The following ASH1L variants were observed in gnomAD, a reference collection of about 807,000 sequenced individuals.
ASH1L encodes histone-lysine N-methyltransferase ASH1L.
ASH1L carries 23 observed loss-of-function variants against 269.0 expected under a neutral mutation model. That is an observed-to-expected ratio of 0.09 (90% CI 0.06 to 0.12). The LOEUF is 0.12. Ranked by LOEUF, ASH1L falls within the 10% of genes least tolerant of loss-of-function variation. The probability of loss-of-function intolerance (pLI) is 1.00; values close to 1 mark genes in which losing one functional copy is unlikely to be tolerated. For synonymous variants in ASH1L, 1,187 were observed against 1,253.5 expected (o/e 0.95, Z 1.12); for missense variants, 2,912 against 3,567.8 (o/e 0.82, Z 4.68).
At chr1:155,434,029 G>A (rs1661861410) in intron 5 of ASH1L, 6 of 1,591,098 alleles carry the variant, frequency 3.8e-6, no homozygotes, top group Non-Finnish European at 4.3e-6. Context: ...ACCGGTGCCA[G>A]AAAGGCAAGC....
At position 155,481,262 on chromosome 1, in the gene ASH1L, A is replaced by G. The variant is rs759421745; in HGVS notation, c.1608T>C (p.Gly536=). The change falls in exon 3 of 28, where the codon GGT becomes GGC. Residue 536 remains glycine, a synonymous_variant. Transcript: ENST00000392403. The part of the protein sequence containing the change: ...YCTSPDFKMG[G]ASDVSTAKSP... ...ATTTAGCGGTAGATACATCAGAAGC[A>G]CCTCCCATTTTAAAGTCCGGAGAAG... 1 of 1,613,906 alleles carries G rather than the reference A, an allele frequency of 6.2e-7. No individual in the cohort carries two copies.
At chr1:155,360,875 G>A (rs1654881143) in intron 12 of ASH1L, among the ~76,000 whole-genome samples, 1 of 152,094 alleles carries the variant, frequency 6.6e-6, no homozygotes, top group Admixed American at 6.6e-5. Flanking sequence ...GGTATTCAAA[G>A]TCCTAAAATA....
At chr1:155,428,436 C>T (rs1661337951) in intron 5 of ASH1L, among the ~76,000 whole-genome samples, 1 of 104,710 alleles carries the variant, frequency 9.6e-6, no homozygotes, top group Admixed American at 1.1e-4. Context: ...CAATGAAATT[C>T]CGTCTCAAAA....
intron 12 of ASH1L, among the ~76,000 whole-genome samples, chr1:155,360,847 C>T (rs768930144): frequency 2.4e-4 from 37 of 152,180 alleles, no homozygotes; most frequent in Middle Eastern, 3.2e-3. Context: ...GTCAATTAGG[C>T]TTCAACTTTT....
At chr1:155,483,055 T>C (rs1000269861) in intron 2 of ASH1L, among the ~76,000 whole-genome samples, 4 of 152,180 alleles carry the variant, frequency 2.6e-5, no homozygotes, top group African/African-American at 9.6e-5. Flanking sequence ...TATAAAATCT[T>C]AGAATGGGAA....
intron 2 of ASH1L, among the ~76,000 whole-genome samples, chr1:155,517,259 A>C (rs1032852745): frequency 6.6e-6 from 1 of 152,184 alleles, no homozygotes; most frequent in Admixed American, 6.5e-5. Flanking sequence ...CCAAGGCAGG[A>C]GGATCACTTG....
At chr1:155,344,061 A>T (rs1653026723) in intron 22 of ASH1L, 122 bp downstream of exon 22, 2 of 829,070 alleles carry the variant, frequency 2.4e-6, no homozygotes, top group Admixed American at 2.7e-5. Flanking sequence ...CAGATATAAA[A>T]ACTTATATTC....
chr1:155,562,746 C>T lies in ASH1L; in HGVS notation c.-693G>A. The T allele has an allele frequency of 8.1e-7, 1 of 1,233,662 alleles. No individual in the cohort carries two copies. The highest frequency in any genetic ancestry group is 1.1e-6 in the Non-Finnish European group (1 of 880,006). The allele number at this position is 1,233,662 out of a possible 1,614,324, so 76.4% of individuals were successfully genotyped here. A position where few individuals can be genotyped will look rare whatever the true frequency, so the allele number is the denominator to read the frequency against. On this transcript the variant is annotated 5_prime_UTR_variant, in exon 1 of 28. Coordinates refer to ENST00000392403, the MANE Select transcript of ASH1L (RefSeq NM_018489.3). ...TCCCTCACTACCCCTCAGGCCCTGT[C>T]AAGCCGGCGCCGGCGCAGGCCCTCA... is the stretch of plus-strand genomic sequence containing the variant.
chr1:155,337,597 C>G lies in ASH1L; in HGVS notation c.*63G>C, dbSNP rs749244880. Reference sequence around the variant, plus strand: ...CCCACCCCTGTCTATACCCAGAGAGCAGGAGGCAGGACTGATTAGCTCCAC... The same window carrying G: ...CCCACCCCTGTCTATACCCAGAGAGGAGGAGGCAGGACTGATTAGCTCCAC... On this transcript the variant is annotated 3_prime_UTR_variant, in exon 28 of 28. Transcript: ENST00000392403. 7.3e-7 allele frequency: 1 copy of G among 1,378,936 alleles called. No homozygotes were observed. Among genetic ancestry groups the G allele is most frequent in the Admixed American group, 1.7e-5 (1 of 59,368 alleles). 85.4% of individuals were successfully genotyped at this position (1,378,936 alleles called of 1,614,324 possible).
Position 155,481,497 on chromosome 1 carries a change from T to C in ASH1L, c.1373A>G (p.Asp458Gly), listed in dbSNP as rs775489754. Residue 458 changes from aspartate (D) to glycine (G), a missense_variant, in exon 3 of 28, where the codon GAT becomes GGT. Coordinates refer to ENST00000392403, the MANE Select transcript of ASH1L (RefSeq NM_018489.3). ...ESQELSESLK[D>G]SATSKTFEKN... ...TTCAAAAGTTTTGCTGGTGGCACTA[T>C]CTTTCAGGGATTCAGAAAGTTCCTG... 4 of 1,614,188 alleles carry C rather than the reference T, an allele frequency of 2.5e-6. No homozygotes were observed. The South Asian group carries it at 3.3e-5, about 13-fold the overall frequency.
rs142537672 is a variant in ASH1L, at chr1:155,388,715, C to CTTT, written c.6103+6741_6103+6743dup. Among the ~76,000 whole-genome samples the CTTT allele has an allele frequency of 1.9e-3, 248 of 131,670 alleles. 3 individuals carry two copies. Among genetic ancestry groups the CTTT allele is most frequent in the African/African-American group, 7.0e-3 (232 of 33,344 alleles). 86.4% of individuals were successfully genotyped at this position (131,670 alleles called of 152,430 possible). A position where few individuals can be genotyped will look rare whatever the true frequency, so the allele number is the denominator to read the frequency against. On this transcript the variant is annotated intron_variant, in intron 7 of 27. Transcript: ENST00000392403. Reference sequence around the variant, plus strand: ...GGTCTATGTGTCCTGAATTGCGATTCTTTTTTTTTTTTTTTTTCATAGAAA... The same window carrying CTTT: ...GGTCTATGTGTCCTGAATTGCGATTCTTTTTTTTTTTTTTTTTTTTCATAGAAA...
intron 15 of ASH1L, among the ~76,000 whole-genome samples, 197 bp downstream of exon 15, chr1:155,357,119 A>AC (rs1558027201): frequency 1.8e-5 from 2 of 109,334 alleles, no homozygotes; most frequent in Admixed American, 1.1e-4. Flanking sequence ...ACACACACAC[A>AC]AAAGGGTAAG....
chr1:155,344,601 G>A (rs1454999319), intron 21 of ASH1L: 2 of 192,284 alleles, frequency 1.0e-5, no homozygotes, highest in Non-Finnish European at 2.1e-5. Context: ...AATGCCCAGG[G>A]TCCAAGGAAG....
At chr1:155,493,214 G>A (rs959067928) in intron 2 of ASH1L, among the ~76,000 whole-genome samples, 11 of 151,886 alleles carry the variant, frequency 7.2e-5, no homozygotes, top group East Asian at 3.9e-4. Context: ...CCTTTTCATC[G>A]GACTGTTTTT....
intron 1 of ASH1L, among the ~76,000 whole-genome samples, chr1:155,541,478 T>C (rs1033779205): frequency 1.3e-5 from 2 of 152,098 alleles, no homozygotes; most frequent in South Asian, 2.1e-4. Context: ...ACTAATATTA[T>C]ATAAGTCACT....
intron 4 of ASH1L, among the ~76,000 whole-genome samples, chr1:155,444,669 A>G (rs1240335966): frequency 6.6e-6 from 1 of 151,846 alleles, no homozygotes; most frequent in African/African-American, 2.4e-5. Context: ...AGGCCGGAGT[A>G]CAGTGGTGCA....
chr1:155,484,538 ATATAAG>A (rs1666165039), intron 2 of ASH1L, among the ~76,000 whole-genome samples: 1 of 152,176 alleles, frequency 6.6e-6, no homozygotes, highest in Non-Finnish European at 1.5e-5. Flanking sequence ...AAAATTAGTT[ATATAAG>A]TATATGAAAA....
rs1057073115 is a variant in ASH1L, at chr1:155,481,222, C to T, written c.1648G>A (p.Val550Ile). 6.2e-7 allele frequency: 1 copy of T among 1,614,094 alleles called. No homozygotes were observed. Among genetic ancestry groups the T allele is most frequent in the Non-Finnish European group, 8.5e-7 (1 of 1,179,994 alleles). The change falls in exon 3 of 28, where the codon GTA (valine) becomes ATA (isoleucine). Residue 550 changes from valine to isoleucine, a missense_variant. Physicochemically the swap from Val to Ile is conservative, Grantham distance 29. Around this residue, in one of 13 missense-constraint regions of ASH1L, gnomAD observed 715 missense variants for 721.0 expected, o/e 0.99. Transcript: ENST00000392403. ...VSTAKSPFSA[V>I]GESNLPSPSP... ...GGGGAAGGGAGATTGCTTTCTCCTACTGCACTGAATGGGGATTTAGCGGTA... is the reference window on the plus strand; with the variant it reads ...GGGGAAGGGAGATTGCTTTCTCCTATTGCACTGAATGGGGATTTAGCGGTA...
intron 4 of ASH1L, among the ~76,000 whole-genome samples, chr1:155,453,727 A>C (rs1258813445): frequency 6.6e-6 from 1 of 152,058 alleles, no homozygotes; most frequent in Admixed American, 6.6e-5. Context: ...TGAACCCGGG[A>C]GGCAGAGGCT....
Sources: gnomAD v4.1 joint callset for allele counts (sites outside exome capture counted in the v4.1 genomes callset) on GRCh38, gnomAD v4.1.1 for gene constraint, gnomAD v4.1.1 regional missense constraint, MANE v1.5 for transcripts, NCBI Gene and HGNC (gene_info 2026-07-23, HGNC 2026-07-21) for gene names.